The following PLB1 variants were observed in gnomAD, a reference collection of about 807,000 sequenced individuals.
The protein encoded by PLB1 is phospholipase B1.
PLB1 carries 242 observed loss-of-function variants against 227.4 expected under a neutral mutation model. The observed-to-expected ratio is 1.06, with a 90% CI of 0.96 to 1.18. The LOEUF is 1.18. PLB1 is among the 50% of genes most tolerant of loss of function. The pLI is 0.00. For missense variants in PLB1, 1,858 were observed against 1,816.3 expected, an observed-to-expected ratio of 1.02 and a Z score of -0.42; for synonymous variants, 757 against 682.2, an observed-to-expected ratio of 1.11 and a Z score of -1.71.
At chr2:28,604,555 C>T in intron 40 of PLB1, 100 bp from the exon 41 acceptor site, 1 of 823,786 alleles carries the variant, frequency 1.2e-6, no homozygotes, top group Non-Finnish European at 1.9e-6. Context: ...GTCGGCCCCT[C>T]CATCCAGGGA....
At chr2:28,496,567 A>G (rs1243530087) in intron 1 of PLB1, among the ~76,000 whole-genome samples, 2 of 152,106 alleles carry the variant, frequency 1.3e-5, no homozygotes, top group Non-Finnish European at 2.9e-5. Context: ...GATCATTACT[A>G]TTACCATTTA....
chr2:28,545,937 G>A (rs1208134926), intron 14 of PLB1, among the ~76,000 whole-genome samples: 1 of 152,178 alleles, frequency 6.6e-6, no homozygotes, highest in Non-Finnish European at 1.5e-5. Flanking sequence ...CTGTAGGGAA[G>A]GAGGATAGCT....
intron 56 of PLB1, among the ~76,000 whole-genome samples, chr2:28,635,213 T>TTTCCCC (rs1689156391): frequency 1.3e-5 from 2 of 152,180 alleles, no homozygotes; most frequent in Admixed American, 6.5e-5. Flanking sequence ...GAAATAATTA[T>TTTCCCC]ACAGTCTAAT....
chr2:28,552,780 G>A, intron 16 of PLB1, 148 bp from the exon 17 acceptor site: 1 of 639,586 alleles, frequency 1.6e-6, no homozygotes. Flanking sequence ...AATTGGATAT[G>A]AGTGTTGAAG....
intron 23 of PLB1, among the ~76,000 whole-genome samples, chr2:28,581,347 C>G (rs1269262408): frequency 1.3e-5 from 2 of 151,794 alleles, no homozygotes; most frequent in Non-Finnish European, 2.9e-5. Flanking sequence ...AGAGATCGGG[C>G]CATAGGACAG....
At position 28,529,314 on chromosome 2, in the gene PLB1, T is replaced by A. The variant is rs1247026412; in HGVS notation, c.326-3T>A. 1.2e-6 allele frequency: 2 copies of A among 1,602,716 alleles called. No homozygotes were observed. The highest frequency in any genetic ancestry group is 1.7e-6 in the Non-Finnish European group (2 of 1,169,686). ...CAGGGCCTCAAACCAGTTCTCTCTT[T>A]AGTCCTTTCAGACATCATCAGATAT... is the stretch of plus-strand genomic sequence containing the variant. On this transcript the variant is annotated splice_polypyrimidine_tract_variant and splice_region_variant and intron_variant, in intron 6 of 57. Coordinates refer to ENST00000327757, the MANE Select transcript of PLB1 (RefSeq NM_153021.5).
chr2:28,518,854 C>T (rs1024862553), intron 3 of PLB1, among the ~76,000 whole-genome samples: 11 of 152,150 alleles, frequency 7.2e-5, no homozygotes, highest in Non-Finnish European at 1.3e-4. Context: ...CCTTTTTCCC[C>T]ACAATGGGCT....
At chr2:28,630,452 C>T (rs959552872) in intron 53 of PLB1, 134 bp from the exon 54 acceptor site, 1 of 644,068 alleles carries the variant, frequency 1.6e-6, no homozygotes, top group Non-Finnish European at 2.7e-6. Flanking sequence ...TGTGTCACCC[C>T]CCGCCCTAGG....
intron 46 of PLB1, among the ~76,000 whole-genome samples, chr2:28,618,801 A>G (rs186588065): frequency 7.0e-4 from 106 of 152,298 alleles, no homozygotes; most frequent in African/African-American, 2.6e-3. Context: ...ATTTAAGGAC[A>G]TGTGCTTTGG....
rs536739512 is a variant in PLB1, at chr2:28,589,343, C to T, written c.1816-107C>T. On this transcript the variant is annotated intron_variant, in intron 26 of 57. Transcript: ENST00000327757. ...GAGATTTTGCACCAGGTTGATTTCA[C>T]TCAACAGTCAGATTCTGTTTAATTC... 6 of 829,028 alleles carry T rather than the reference C, an allele frequency of 7.2e-6. No individual in the cohort carries two copies. The East Asian group carries it at 7.6e-5, about 10-fold the overall frequency. 51.4% of individuals were successfully genotyped at this position (829,028 alleles called of 1,614,324 possible). A position where few individuals can be genotyped will look rare whatever the true frequency, so the allele number is the denominator to read the frequency against.
intron 1 of PLB1, among the ~76,000 whole-genome samples, chr2:28,499,570 T>C (rs2148152021): frequency 6.6e-6 from 1 of 152,014 alleles, no homozygotes; most frequent in East Asian, 1.9e-4. Context: ...GATGGTATTC[T>C]TATATTATTC....
At chr2:28,500,105 A>C (rs2148152756) in intron 1 of PLB1, among the ~76,000 whole-genome samples, 1 of 152,326 alleles carries the variant, frequency 6.6e-6, no homozygotes, top group East Asian at 1.9e-4. Flanking sequence ...TTGTGAATTA[A>C]ATAAATTGAC....
chr2:28,583,359 T>C (rs955121311), intron 25 of PLB1, among the ~76,000 whole-genome samples: 7 of 152,012 alleles, frequency 4.6e-5, no homozygotes, highest in Non-Finnish European at 8.8e-5. Flanking sequence ...AATTTTTGTA[T>C]TTTTAGTAGA....
At chr2:28,613,071 C>T (rs1424460529) in intron 43 of PLB1, among the ~76,000 whole-genome samples, 1 of 152,048 alleles carries the variant, frequency 6.6e-6, no homozygotes, top group Non-Finnish European at 1.5e-5. Flanking sequence ...AGGCACATGC[C>T]ACCATGTTGA....
At chr2:28,496,601 G>C (rs1341683636) in intron 1 of PLB1, among the ~76,000 whole-genome samples, 1 of 152,100 alleles carries the variant, frequency 6.6e-6, no homozygotes, top group Non-Finnish European at 1.5e-5. Context: ...GTTTTTGAAG[G>C]ACAAAGGAAG....
Position 28,626,515 on chromosome 2 carries a change from C to CTATT in PLB1, c.3660+7_3660+8insTATT, listed in dbSNP as rs750597406. The stretch of plus-strand genomic sequence containing the variant: ...TCATTACTGTGAGAATCCGGTAGGC[C>CTATT]CCCGACCAACCCCATGGGGACCTGA... On this transcript the variant is annotated splice_region_variant and intron_variant, in intron 51 of 57. Coordinates refer to ENST00000327757, the MANE Select transcript of PLB1 (RefSeq NM_153021.5). The CTATT allele has an allele frequency of 5.6e-6, 9 of 1,611,744 alleles. No individual in the cohort carries two copies. Among genetic ancestry groups the CTATT allele is most frequent in the Non-Finnish European group, 8.5e-7 (1 of 1,178,092 alleles).
At chr2:28,520,647 C>T (rs1010016948) in intron 4 of PLB1, among the ~76,000 whole-genome samples, 2 of 152,026 alleles carry the variant, frequency 1.3e-5, no homozygotes, top group African/African-American at 2.4e-5. Flanking sequence ...TTCTACTTTC[C>T]CTCTCTGTTT....
intron 56 of PLB1, among the ~76,000 whole-genome samples, chr2:28,637,354 C>A (rs1018244164): frequency 6.6e-6 from 1 of 150,970 alleles, no homozygotes; most frequent in Non-Finnish European, 1.5e-5. Flanking sequence ...CCTGACCGGG[C>A]TTATCCCCAG....
At chr2:28,608,422 G>C (rs572564561) in intron 43 of PLB1, among the ~76,000 whole-genome samples, 5 of 152,198 alleles carry the variant, frequency 3.3e-5, no homozygotes, top group Non-Finnish European at 7.4e-5. Context: ...AGACGCAGTG[G>C]GGGGCGGGAG....
Sources: allele counts gnomAD v4.1 joint callset (sites outside exome capture counted in the v4.1 genomes callset), GRCh38; gene constraint gnomAD v4.1.1; transcripts MANE v1.5; gene names NCBI Gene and HGNC (gene_info 2026-07-23, HGNC 2026-07-21).